The following PPFIA4 variants were observed in gnomAD, a reference collection of about 807,000 sequenced individuals.
PPFIA4 encodes PPFI scaffold protein A4.
Under a neutral mutation model 145.7 loss-of-function variants are expected in PPFIA4, and 98 were observed. That is an observed-to-expected ratio of 0.67 (90% CI 0.57 to 0.80). The LOEUF (loss-of-function observed/expected upper bound fraction) is 0.80. Among genes scored for constraint, PPFIA4 ranks in the 30% least tolerant of loss-of-function variants. The pLI is 0.00. For synonymous variants in PPFIA4, 628 were observed against 649.6 expected, an observed-to-expected ratio of 0.97 and a Z score of 0.51; for missense variants, 1,457 against 1,632.7, an observed-to-expected ratio of 0.89 and a Z score of 1.85.
intron 1 of PPFIA4, among the ~76,000 whole-genome samples, chr1:203,038,054 C>T (rs1659425676): frequency 1.3e-5 from 2 of 152,194 alleles, no homozygotes; most frequent in African/African-American, 4.8e-5. Flanking sequence ...TGTGCCTCTC[C>T]AAACCCTTAG....
intron 1 of PPFIA4, chr1:203,034,782 TG>T: frequency 2.3e-6 from 1 of 438,430 alleles, no homozygotes; most frequent in South Asian, 1.6e-5. Flanking sequence ...CTGATGAGGG[TG>T]GGGAAGGTTT....
intron 2 of PPFIA4, among the ~76,000 whole-genome samples, chr1:203,040,546 G>T (rs573062120): frequency 6.6e-6 from 1 of 152,310 alleles, no homozygotes; most frequent in African/African-American, 2.4e-5. Context: ...TTGCCCTAGA[G>T]TGAATGAACT....
intron 9 of PPFIA4, 59 bp downstream of exon 9, chr1:203,046,441 A>T (rs1194963862): frequency 6.6e-7 from 1 of 1,515,850 alleles, no homozygotes; most frequent in East Asian, 2.4e-5. Context: ...GCTCTCAGGG[A>T]GCCAGGCAGG....
In PPFIA4 at chr1:203,075,883, A is replaced by T; in HGVS notation, c.3574+126A>T. The T allele has an allele frequency of 2.0e-6, 2 of 982,424 alleles. No homozygotes were observed. The highest frequency in any genetic ancestry group is 1.4e-6 in the Non-Finnish European group (1 of 722,658). 60.9% of individuals were successfully genotyped at this position (982,424 alleles called of 1,614,324 possible). A position where few individuals can be genotyped will look rare whatever the true frequency, so the allele number is the denominator to read the frequency against. On this transcript the variant is annotated intron_variant, in intron 29 of 29. Coordinates refer to ENST00000295706, the MANE Select transcript of PPFIA4 (RefSeq NM_001304331.2). This position sits in a 1 kb window ranked among gnomAD's most constrained non-coding sequence, Gnocchi z 4.1. The stretch of plus-strand genomic sequence containing the variant: ...CTGGTGCCCCGCGCTCCTGCGCTGC[A>T]GCTGCACTAACGCTCCGCGGGGAGC...
intron 2 of PPFIA4, among the ~76,000 whole-genome samples, chr1:203,040,485 T>G (rs746559631): frequency 6.6e-6 from 1 of 152,082 alleles, no homozygotes; most frequent in Non-Finnish European, 1.5e-5. Flanking sequence ...GGTGAAGCAG[T>G]TGGGTGGGCA....
chr1:203,067,753 C>T lies in PPFIA4; in HGVS notation c.3109C>T (p.Leu1037=). ...GAGGCTGAATTATGACCGGAAGGAG[C>T]TGGAGAAGAGGCGAGAGGAGAGCCA... ...LKRLNYDRKE[L]EKRREESQHE... Residue 1037 remains leucine (L), a synonymous_variant, in exon 26 of 30, where the codon CTG becomes TTG. Transcript: ENST00000295706. The T allele has an allele frequency of 6.2e-7, 1 of 1,613,726 alleles. No homozygotes were observed. The highest frequency in any genetic ancestry group is 8.5e-7 in the Non-Finnish European group (1 of 1,179,848).
rs1659004996 is a variant in PPFIA4, at chr1:203,033,631, G to A, written c.-399-4979G>A. ...CCCAGGGTCACCTGCATCATCAGCT[G>A]CTCTGGAGTCTGCCTTTCAAGACAG... On this transcript the variant is annotated intron_variant, in intron 1 of 29. Transcript: ENST00000295706. Among the ~76,000 whole-genome samples the A allele has an allele frequency of 2.0e-5, 3 of 152,274 alleles. No homozygotes were observed. The South Asian group carries it at 6.2e-4, about 32-fold the overall frequency.
At chr1:203,047,996 CT>C (rs1282499115) in intron 9 of PPFIA4, among the ~76,000 whole-genome samples, 2 of 152,188 alleles carry the variant, frequency 1.3e-5, no homozygotes, top group Non-Finnish European at 2.9e-5. Flanking sequence ...TGTTTTAAGG[CT>C]AGGCCTGAGC....
rs1571682656 is a variant in PPFIA4 at position 203,044,794 on chromosome 1, T to C, written c.666+9T>C. ...CGAAACGCCTGTGGAAGGTAGGTCA[T>C]GGAGAGCTGTGTAGCAGGGGTCATG... On this transcript the variant is annotated intron_variant, in intron 6 of 29. Transcript: ENST00000295706. The C allele has an allele frequency of 6.4e-7, 1 of 1,556,658 alleles. No homozygotes were observed. Among genetic ancestry groups the C allele is most frequent in the East Asian group, 2.4e-5 (1 of 41,670 alleles).
At chr1:203,036,073 C>T (rs1558064169) in intron 1 of PPFIA4, among the ~76,000 whole-genome samples, 1 of 152,204 alleles carries the variant, frequency 6.6e-6, no homozygotes, top group African/African-American at 2.4e-5. Flanking sequence ...CAGTGGGCAG[C>T]CTGAGGTCCT....
At position 203,045,451 on chromosome 1, in the gene PPFIA4, CA is replaced by C. The variant is rs1205633871; in HGVS notation, c.751del (p.Thr251ProfsTer2). On this transcript the variant is annotated frameshift_variant, in exon 7 of 30. Transcript: ENST00000295706. LOFTEE classifies it high-confidence loss of function. ...TGAGCCAGGCCCGGGAGCGACTGGT[CA>C]CCCTAACAACAACCGTGACTGAACT... is the stretch of plus-strand genomic sequence containing the variant. ...ELSQARERLV[T>X]LTTTVTELEE... 2.3e-5 allele frequency: 37 copies of C among 1,609,770 alleles called. No homozygotes were observed. Among genetic ancestry groups the C allele is most frequent in the Non-Finnish European group, 3.1e-5 (36 of 1,178,736 alleles).
chr1:203,034,806 A>G (rs1017626523), intron 1 of PPFIA4: 4 of 420,246 alleles, frequency 9.5e-6, no homozygotes, highest in African/African-American at 4.1e-5. Context: ...TGGAGAAGAC[A>G]TGAAGTCTGA....
chr1:203,053,814 G>A lies in PPFIA4; in HGVS notation c.1682G>A (p.Ser561Asn). ...CCGGCAGCTGGCCCTGCCTTTGACA[G>A]TGACCCTGAGATCTCCGACGTGGAT... is the stretch of plus-strand genomic sequence containing the variant. The part of the protein sequence containing the change: ...LAPAAGPAFD[S>N]DPEISDVDED... The change falls in exon 15 of 30, where the codon AGT becomes AAT. Residue 561 changes from serine (S) to asparagine (N), a missense_variant. By Grantham distance (46) the Ser-to-Asn change is conservative. Transcript: ENST00000295706. 1 of 1,553,286 alleles carries A rather than the reference G, an allele frequency of 6.4e-7. No homozygotes were observed. The highest frequency in any genetic ancestry group is 8.7e-7 in the Non-Finnish European group (1 of 1,147,952).
Position 203,068,577 on chromosome 1 carries a change from C to T in PPFIA4, c.3273C>T (p.Phe1091=), listed in dbSNP as rs200137584. Residue 1091 remains phenylalanine (F), a synonymous_variant, in exon 27 of 30, where the codon TTC becomes TTT. Transcript: ENST00000295706. The surrounding 1 kb of genome is among the most constrained non-coding windows in gnomAD (Gnocchi z 4.7). The stretch of plus-strand genomic sequence containing the variant: ...CCTTGCTGGCCCTGGACGAGAACTT[C>T]GACCACAACACACTGGCCCTGATCC... ...HGALLALDEN[F]DHNTLALILQ... The T allele has an allele frequency of 2.0e-4, 318 of 1,594,896 alleles. 2 individuals carry two copies. The Middle Eastern group carries it at 3.2e-3, about 16-fold the overall frequency.
Position 203,061,641 on chromosome 1 carries a change from G to A in PPFIA4, c.2848-11G>A, listed in dbSNP as rs374049835. 6.4e-6 allele frequency: 10 copies of A among 1,562,202 alleles called. No individual in the cohort carries two copies. The East Asian group carries it at 9.6e-5, about 15-fold the overall frequency. On this transcript the variant is annotated splice_polypyrimidine_tract_variant and intron_variant, in intron 23 of 29. Transcript: ENST00000295706. Reference sequence around the variant, plus strand: ...CTGTTTCCCCTAACACGCTGCACTCGTTCCTGCTAGGACAGTGAGGAGGGC... The same window carrying A: ...CTGTTTCCCCTAACACGCTGCACTCATTCCTGCTAGGACAGTGAGGAGGGC...
In PPFIA4 at chr1:203,077,800, G is replaced by A. The variant is rs1287827421; in HGVS notation, c.*1410G>A. ...TCATCCTACCAAGGTGCCTGAAAATGTTCAAGACTTATGTTCAGGGTGGGA... is the reference window on the plus strand; with the variant it reads ...TCATCCTACCAAGGTGCCTGAAAATATTCAAGACTTATGTTCAGGGTGGGA... On this transcript the variant is annotated 3_prime_UTR_variant, in exon 30 of 30. Transcript: ENST00000295706. 1 of 152,228 alleles carries A rather than the reference G, an allele frequency of 6.6e-6. No individual in the cohort carries two copies. The allele number at this position is 152,228 out of a possible 1,614,324, so 9.4% of individuals were successfully genotyped here.
At chr1:203,059,998 C>G (rs1661247632) in intron 21 of PPFIA4, 147 bp downstream of exon 21, 1 of 794,566 alleles carries the variant, frequency 1.3e-6, no homozygotes, top group Non-Finnish European at 2.1e-6. Context: ...CCCCCCTCCC[C>G]CTCCCCAACA....
rs549927845 is a variant in PPFIA4, at chr1:203,075,482, C to T, written c.3394-95C>T. ...CTTTCCAAAGGGGTGGGAGTGGTGC[C>T]CCTTGAACCAGCAGCGACTGGCCCC... On this transcript the variant is annotated intron_variant, in intron 28 of 29. Transcript: ENST00000295706. This position sits in a 1 kb window ranked among gnomAD's most constrained non-coding sequence, Gnocchi z 4.1. 1.8e-5 allele frequency: 19 copies of T among 1,062,762 alleles called. No homozygotes were observed. The highest frequency in any genetic ancestry group is 3.2e-5 in the East Asian group (1 of 31,612). The allele number at this position is 1,062,762 out of a possible 1,614,324, so 65.8% of individuals were successfully genotyped here. A position where few individuals can be genotyped will look rare whatever the true frequency, so the allele number is the denominator to read the frequency against.
rs1455011903 is a variant in PPFIA4, at chr1:203,076,494, C to T, written c.*104C>T. On this transcript the variant is annotated 3_prime_UTR_variant, in exon 30 of 30. Coordinates refer to ENST00000295706, the MANE Select transcript of PPFIA4 (RefSeq NM_001304331.2). ...TCCTTCCGCAGCTCCTAGTCTCGTC[C>T]GTGACTTTCCGGTTGCCCTGGATCT... is the stretch of plus-strand genomic sequence containing the variant. 7 of 1,182,820 alleles carry T rather than the reference C, an allele frequency of 5.9e-6. No individual in the cohort carries two copies. Among genetic ancestry groups the T allele is most frequent in the Non-Finnish European group, 8.7e-6 (7 of 809,150 alleles). 73.3% of individuals were successfully genotyped at this position (1,182,820 alleles called of 1,614,324 possible). A position where few individuals can be genotyped will look rare whatever the true frequency, so the allele number is the denominator to read the frequency against.
Sources: allele counts gnomAD v4.1 joint callset (sites outside exome capture counted in the v4.1 genomes callset), GRCh38; gene constraint gnomAD v4.1.1; non-coding constraint Gnocchi (gnomAD v3.1); transcripts MANE v1.5; gene names NCBI Gene and HGNC (gene_info 2026-07-23, HGNC 2026-07-21).